Variants in NEBL observed in about 807,000 individuals in gnomAD.
The protein encoded by NEBL is nebulette.
Under a neutral mutation model 140.2 loss-of-function variants are expected in NEBL, and 122 were observed. That is an observed-to-expected ratio of 0.87 (90% CI 0.75 to 1.01). The LOEUF (loss-of-function observed/expected upper bound fraction) is 1.01. Among genes scored for constraint, NEBL ranks in the 50% least tolerant of loss-of-function variants. The pLI is 0.00. For missense variants in NEBL, 1,365 were observed against 1,231.3 expected (o/e 1.11, Z -1.62); for synonymous variants, 436 against 398.9 (o/e 1.09, Z -1.11).
chr10:21,240,782 G>A (rs1161508375), intron 3 of NEBL, among the ~76,000 whole-genome samples: 20 of 151,768 alleles, frequency 1.3e-4, no homozygotes, highest in Admixed American at 1.3e-3. Flanking sequence ...TTTTTTTCTG[G>A]GTTAGGATAA....
chr10:21,070,086 C>T, intron 2 of NEBL: 1 of 438,344 alleles, frequency 2.3e-6, no homozygotes, highest in Non-Finnish European at 4.6e-6. Context: ...AAGAATAATA[C>T]TGTATCCACT....
chr10:21,109,256 T>A (rs1223529981), intron 2 of NEBL, among the ~76,000 whole-genome samples: 1 of 152,204 alleles, frequency 6.6e-6, no homozygotes, highest in Non-Finnish European at 1.5e-5. Context: ...ACTGAGAGAA[T>A]CATGTGGTTT....
At chr10:21,227,918 G>T (rs951564326) in intron 3 of NEBL, among the ~76,000 whole-genome samples, 1 of 151,168 alleles carries the variant, frequency 6.6e-6, no homozygotes, top group Non-Finnish European at 1.5e-5. Flanking sequence ...AAATGGTAAC[G>T]TTCAGAATCT....
At chr10:20,835,666 C>G in intron 13 of NEBL, 43 bp from the exon 14 acceptor site, 1 of 1,322,856 alleles carries the variant, frequency 7.6e-7, no homozygotes, top group Non-Finnish European at 1.1e-6. Flanking sequence ...ACTCAGTGGG[C>G]AAACATGCAT....
intron 2 of NEBL, among the ~76,000 whole-genome samples, chr10:21,092,428 T>G (rs1836963838): frequency 6.6e-6 from 1 of 152,174 alleles, no homozygotes. Context: ...GAAGTAACAG[T>G]AAATTATGTG....
At chr10:21,233,051 T>C (rs531513024) in intron 3 of NEBL, among the ~76,000 whole-genome samples, 7 of 152,288 alleles carry the variant, frequency 4.6e-5, no homozygotes, top group Admixed American at 3.3e-4. Context: ...CCTTTTCCTA[T>C]CTTAGGTTCA....
At chr10:20,958,172 T>A (rs1272385659) in intron 4 of NEBL, among the ~76,000 whole-genome samples, 1 of 152,012 alleles carries the variant, frequency 6.6e-6, no homozygotes, top group Non-Finnish European at 1.5e-5. Flanking sequence ...GGGTGTTTCA[T>A]TTTTTTTAAT....
chr10:21,151,511 GAAAA>G lies in NEBL; in HGVS notation c.164+20868_164+20871del, dbSNP rs535485735. On this transcript the variant is annotated intron_variant, in intron 2 of 6. Transcript: ENST00000417816. Reference sequence around the variant, plus strand: ...CTTTATTTTTACAACCAGCCAAAGTGAAAAAAAACTTAAAACCTAAATCACACAT... The same window carrying G: ...CTTTATTTTTACAACCAGCCAAAGTGAAAACTTAAAACCTAAATCACACAT... Among the ~76,000 whole-genome samples, 638 of 151,984 alleles carry G rather than the reference GAAAA, an allele frequency of 4.2e-3. 4 individuals are homozygous for G. The highest frequency in any genetic ancestry group is 0.014 in the African/African-American group (594 of 41,440).
intron 3 of NEBL, among the ~76,000 whole-genome samples, chr10:20,992,497 A>C (rs1480732369): frequency 1.3e-5 from 2 of 152,138 alleles, no homozygotes; most frequent in African/African-American, 4.8e-5. Context: ...CAAGGGTGGC[A>C]CAGGCCCCAG....
In NEBL at chr10:21,173,771, C is replaced by T. The variant is rs770504876; in HGVS notation, c.63G>A (p.Leu21=). Residue 21 remains leucine (L), a synonymous_variant, in exon 1 of 7, where the codon CTG becomes CTA. Transcript: ENST00000417816. This position sits in a 1 kb window ranked among gnomAD's most constrained non-coding sequence, Gnocchi z 5.7. ...CCGGCGCCCCCTCGCTCACCTTATCCAGGCAGTTGACTTTCTCGGTGGGAT... is the reference window on the plus strand; with the variant it reads ...CCGGCGCCCCCTCGCTCACCTTATCTAGGCAGTTGACTTTCTCGGTGGGAT... 11 of 1,613,104 alleles carry T rather than the reference C, an allele frequency of 6.8e-6. No individual in the cohort carries two copies. In the East Asian group the frequency reaches 1.3e-4, roughly 20 times the overall value.
intron 2 of NEBL, among the ~76,000 whole-genome samples, chr10:21,143,473 C>CAAAAAAAAAAAAAAAA (rs1839745073): frequency 1.6e-5 from 2 of 122,050 alleles, no homozygotes; most frequent in African/African-American, 3.3e-5. Flanking sequence ...AAAAAAAAAT[C>CAAAAAAAAAAAAAAAA]AAACGTGAAA....
intron 4 of NEBL, among the ~76,000 whole-genome samples, chr10:20,919,853 TCTAA>T (rs1833495652): frequency 6.6e-6 from 1 of 151,750 alleles, no homozygotes; most frequent in Non-Finnish European, 1.5e-5. Context: ...TGAATAATAA[TCTAA>T]AATGTACACA....
intron 3 of NEBL, among the ~76,000 whole-genome samples, chr10:21,004,818 A>G (rs966008926): frequency 6.6e-6 from 1 of 152,210 alleles, no homozygotes; most frequent in Non-Finnish European, 1.5e-5. Context: ...TTCTCACCAT[A>G]TTCGCTAGGT....
intron 2 of NEBL, chr10:21,029,337 G>A: frequency 6.2e-7 from 1 of 1,611,206 alleles, no homozygotes; most frequent in South Asian, 1.1e-5. Flanking sequence ...AGTCAATTAA[G>A]GAATTCTTTA....
chr10:21,201,283 T>C lies in NEBL; in HGVS notation n.349-28806A>G, dbSNP rs1841731056. ...TCATCTCCCTGCCTGTGTCGGGCTT[T>C]CTCTAGTAAGTGTGTACTGAACAAA... On this transcript the variant is annotated intron_variant and non_coding_transcript_variant, in intron 3 of 8. Transcript: ENST00000675702. Among the ~76,000 whole-genome samples the C allele has an allele frequency of 2.6e-5, 4 of 152,212 alleles. No individual in the cohort carries two copies. The South Asian group carries it at 8.3e-4, about 32-fold the overall frequency.
intron 5 of NEBL, among the ~76,000 whole-genome samples, chr10:20,871,565 G>A (rs886807372): frequency 1.2e-4 from 18 of 151,824 alleles, no homozygotes; most frequent in Non-Finnish European, 1.6e-4. Context: ...ACTCTTTTAT[G>A]AGCTTACATT....
intron 4 of NEBL, among the ~76,000 whole-genome samples, chr10:20,937,961 C>A (rs1163526895): frequency 6.6e-6 from 1 of 152,204 alleles, no homozygotes; most frequent in Non-Finnish European, 1.5e-5. Context: ...CTGGGTGGAG[C>A]CCACCTCAGC....
chr10:21,115,700 T>A (rs1419676436), intron 2 of NEBL, among the ~76,000 whole-genome samples: 1 of 152,052 alleles, frequency 6.6e-6, no homozygotes, highest in East Asian at 1.9e-4. Flanking sequence ...TTTCACTTTC[T>A]TCTAACTGGA....
At chr10:21,064,569 A>G (rs907554967) in intron 2 of NEBL, among the ~76,000 whole-genome samples, 29 of 152,236 alleles carry the variant, frequency 1.9e-4, no homozygotes, top group Admixed American at 1.8e-3. Flanking sequence ...GAAAGTTTCT[A>G]TTAGCTTTTC....
Sources: gnomAD v4.1 joint callset for allele counts (sites outside exome capture counted in the v4.1 genomes callset) on GRCh38, gnomAD v4.1.1 for gene constraint, Gnocchi (gnomAD v3.1) non-coding constraint, MANE v1.5 for transcripts, NCBI Gene and HGNC (gene_info 2026-07-23, HGNC 2026-07-21) for gene names.